The following HS6ST3 variants were observed in gnomAD, a reference collection of about 807,000 sequenced individuals.
The protein encoded by HS6ST3 is heparan-sulfate 6-O-sulfotransferase 3.
Under a neutral mutation model 36.7 loss-of-function variants are expected in HS6ST3, and 12 were observed. The observed-to-expected ratio is 0.33, with a 90% confidence interval of 0.21 to 0.53. The LOEUF (loss-of-function observed/expected upper bound fraction) is 0.53, where lower values mean the gene tolerates loss of function less well. Among genes scored for constraint, HS6ST3 ranks in the 20% least tolerant of loss-of-function variants. HS6ST3 has a pLI of 0.95. For synonymous variants in HS6ST3, 240 were observed against 257.5 expected (o/e 0.93, Z 0.65); for missense variants, 584 against 640.9 (o/e 0.91, Z 0.96).
intron 1 of HS6ST3, among the ~76,000 whole-genome samples, chr13:96,256,468 G>A (rs1930219): frequency 0.54 from 82,269 of 151,932 alleles, 22,642 homozygotes; most frequent in Admixed American, 0.66. Context: ...TGAAGATTAA[G>A]TCATGTGCTT....
chr13:96,093,530 G>A (rs1323614116), intron 1 of HS6ST3, among the ~76,000 whole-genome samples: 1 of 151,736 alleles, frequency 6.6e-6, no homozygotes, highest in Non-Finnish European at 1.5e-5. Flanking sequence ...CTGAATCACA[G>A]GTTAGCAGGC....
intron 1 of HS6ST3, among the ~76,000 whole-genome samples, chr13:96,245,833 A>G (rs2054582523): frequency 6.6e-6 from 1 of 152,076 alleles, no homozygotes; most frequent in Non-Finnish European, 1.5e-5. Flanking sequence ...ATTTGGGTCT[A>G]CTCTGAAATA....
intron 1 of HS6ST3, among the ~76,000 whole-genome samples, chr13:96,799,281 T>C (rs1179971519): frequency 6.6e-6 from 1 of 152,104 alleles, no homozygotes; most frequent in African/African-American, 2.4e-5. Flanking sequence ...TGTTGTTTCC[T>C]GACTTTTTAA....
At chr13:96,522,736 T>A (rs2056098764) in intron 1 of HS6ST3, among the ~76,000 whole-genome samples, 1 of 152,164 alleles carries the variant, frequency 6.6e-6, no homozygotes, top group Non-Finnish European at 1.5e-5. Context: ...TCCATCCCTT[T>A]ATGTTGAGCC....
At chr13:96,770,811 G>A (rs555899998) in intron 1 of HS6ST3, among the ~76,000 whole-genome samples, 6 of 152,316 alleles carry the variant, frequency 3.9e-5, no homozygotes, top group Non-Finnish European at 7.3e-5. Flanking sequence ...TTGCCCCATC[G>A]AGGGTAGTTT....
At chr13:96,091,703 C>A in intron 1 of HS6ST3, 134 bp downstream of exon 1, 2 of 1,257,106 alleles carry the variant, frequency 1.6e-6, no homozygotes, top group Non-Finnish European at 2.1e-6. Context: ...GGCGCCGTGG[C>A]TTTGGGGAGG....
intron 1 of HS6ST3, among the ~76,000 whole-genome samples, chr13:96,180,468 A>T (rs891571424): frequency 6.6e-6 from 1 of 152,220 alleles, no homozygotes; most frequent in Admixed American, 6.5e-5. Context: ...TTTTATTCAT[A>T]AAACTTTAGA....
chr13:96,553,929 A>G (rs968700059), intron 1 of HS6ST3, among the ~76,000 whole-genome samples: 7 of 152,210 alleles, frequency 4.6e-5, no homozygotes, highest in African/African-American at 7.2e-5. Context: ...TTTTGAATCC[A>G]GCTGACTCAG....
rs142898177 is a variant in HS6ST3, at chr13:96,465,937, C to A, written c.708-366553C>A. Among the ~76,000 whole-genome samples the A allele has an allele frequency of 2.3e-4, 21 of 90,542 alleles. No individual in the cohort carries two copies. In the East Asian group the frequency reaches 6.2e-3, roughly 27 times the overall value. 59.4% of individuals were successfully genotyped at this position (90,542 alleles called of 152,430 possible). On this transcript the variant is annotated intron_variant, in intron 1 of 1. Transcript: ENST00000376705. ...AAAAATGTTAATCTAAAAGGAATGACACATTTTCTTTCATTTTTTTATTTG... is the reference window on the plus strand; with the variant it reads ...AAAAATGTTAATCTAAAAGGAATGAAACATTTTCTTTCATTTTTTTATTTG...
Position 96,329,984 on chromosome 13 carries a change from A to G in HS6ST3, c.707+238415A>G, listed in dbSNP as rs2055056116. Among the ~76,000 whole-genome samples the G allele has an allele frequency of 5.3e-5, 8 of 151,180 alleles. No individual in the cohort carries two copies. In the South Asian group the frequency reaches 1.5e-3, roughly 28 times the overall value. ...TCTTTGTTGGTTTAAAGTCTGTTTTATCATAGACTAGGATTGCAACCCCTG... is the reference window on the plus strand; with the variant it reads ...TCTTTGTTGGTTTAAAGTCTGTTTTGTCATAGACTAGGATTGCAACCCCTG... On this transcript the variant is annotated intron_variant, in intron 1 of 1. Coordinates refer to ENST00000376705, the MANE Select transcript of HS6ST3 (RefSeq NM_153456.4).
intron 1 of HS6ST3, among the ~76,000 whole-genome samples, chr13:96,134,050 A>G (rs554151330): frequency 5.7e-4 from 87 of 151,824 alleles, no homozygotes; most frequent in African/African-American, 1.7e-3. Flanking sequence ...TCCTTTCCCC[A>G]TTGTTTATTT....
At position 96,091,562 on chromosome 13, in the gene HS6ST3, C is replaced by A; in HGVS notation, c.700C>A (p.His234Asn). 1 of 1,575,804 alleles carries A rather than the reference C, an allele frequency of 6.3e-7. No individual in the cohort carries two copies. The change falls in exon 1 of 2, where the codon CAC becomes AAC. Residue 234 changes from histidine to asparagine, a missense_variant. Around this residue, in one of 3 missense-constraint regions of HS6ST3, gnomAD observed 360 missense variants for 411.3 expected, o/e 0.88. Transcript: ENST00000376705. ...GAAGGACTGTCCCCGCAACCACAGC[C>A]ACACCAGGTACTGTCGCCCGCTGGG... ...EKKDCPRNHSHTRNFYYITML... is the reference protein window; with the variant it reads ...EKKDCPRNHSNTRNFYYITML...
chr13:96,784,062 A>G (rs1566452917), intron 1 of HS6ST3, among the ~76,000 whole-genome samples: 1 of 150,818 alleles, frequency 6.6e-6, no homozygotes, highest in Non-Finnish European at 1.5e-5. Context: ...CTATTGGGAG[A>G]TTGGTGGCTG....
chr13:96,484,603 G>T (rs529433323), intron 1 of HS6ST3, among the ~76,000 whole-genome samples: 1 of 152,258 alleles, frequency 6.6e-6, no homozygotes, highest in Admixed American at 6.5e-5. Flanking sequence ...TACAGTATTT[G>T]TCTTTCTGTG....
chr13:96,580,821 C>G (rs1192202931), intron 1 of HS6ST3, among the ~76,000 whole-genome samples: 2 of 152,108 alleles, frequency 1.3e-5, no homozygotes, highest in African/African-American at 2.4e-5. Context: ...CATACAAACC[C>G]ACAGAATGCT....
At chr13:96,196,388 G>A (rs116063142) in intron 1 of HS6ST3, among the ~76,000 whole-genome samples, 1,765 of 152,208 alleles carry the variant, frequency 0.012, 35 homozygotes, top group African/African-American at 0.041. Context: ...TGTCTCCCCC[G>A]AGAATGTCTC....
In HS6ST3 at chr13:96,833,123, C is replaced by T; in HGVS notation, c.1341C>T (p.His447=). 1 of 1,602,478 alleles carries T rather than the reference C, an allele frequency of 6.2e-7. No homozygotes were observed. The highest frequency in any genetic ancestry group is 8.5e-7 in the Non-Finnish European group (1 of 1,179,664). Reference sequence around the variant, plus strand: ...GGCTGCAGCGAGAGCACAGGGACCACCAGTGGCCCAAAGAAGATGGGGCTG... The same window carrying T: ...GGCTGCAGCGAGAGCACAGGGACCATCAGTGGCCCAAAGAAGATGGGGCTG... ...ERRLQREHRD[H]QWPKEDGAAE... is the part of the protein sequence containing the mutation. Residue 447 remains histidine, a synonymous_variant, in exon 2 of 2, where the codon CAC becomes CAT. Transcript: ENST00000376705.
At chr13:96,656,879 G>A (rs2139016365) in intron 1 of HS6ST3, among the ~76,000 whole-genome samples, 1 of 151,776 alleles carries the variant, frequency 6.6e-6, no homozygotes, top group African/African-American at 2.4e-5. Context: ...AGCCATGTTT[G>A]GAATGTGTCA....
chr13:96,237,899 A>G (rs1342169178), intron 1 of HS6ST3, among the ~76,000 whole-genome samples: 7 of 151,988 alleles, frequency 4.6e-5, no homozygotes, highest in African/African-American at 1.7e-4. Flanking sequence ...TCTGCCTCAA[A>G]ATGTTGGTGT....
Sources: allele counts gnomAD v4.1 joint callset (sites outside exome capture counted in the v4.1 genomes callset), GRCh38; gene constraint gnomAD v4.1.1; regional missense constraint gnomAD v4.1.1; transcripts MANE v1.5; gene names NCBI Gene and HGNC (gene_info 2026-07-23, HGNC 2026-07-21).